The following CYP2C19 variants were observed in gnomAD, a reference collection of about 807,000 sequenced individuals.
The protein encoded by CYP2C19 is cytochrome P450 family 2 subfamily C member 19, also known as cytochrome P450 2C19.
Under a neutral mutation model 40.9 loss-of-function variants are expected in CYP2C19, and 59 were observed. That is an observed-to-expected ratio of 1.44 (90% CI 1.17 to 1.79). The LOEUF is 1.79. Among genes scored for constraint, CYP2C19 ranks in the 40% most tolerant of loss-of-function variants. The pLI, the probability that CYP2C19 is intolerant of heterozygous loss-of-function variation, is 0.00. For missense variants in CYP2C19, 754 were observed against 596.9 expected (o/e 1.26, Z -2.74); for synonymous variants, 253 against 208.7 (o/e 1.21, Z -1.83).
At chr10:94,821,367 G>A (rs1414028313) in intron 6 of CYP2C19, among the ~76,000 whole-genome samples, 1 of 152,196 alleles carries the variant, frequency 6.6e-6, no homozygotes, top group Non-Finnish European at 1.5e-5. Context: ...AAATGCTGGA[G>A]TAGGGAAAAT....
chr10:94,801,333 C>T (rs916655152), intron 5 of CYP2C19, among the ~76,000 whole-genome samples: 3 of 152,084 alleles, frequency 2.0e-5, no homozygotes, highest in African/African-American at 7.2e-5. Flanking sequence ...ATTACTTTTG[C>T]CTTAATTTCG....
intron 6 of CYP2C19, 124 bp downstream of exon 6, chr10:94,820,761 A>G (rs1381609600): frequency 5.8e-6 from 7 of 1,197,810 alleles, no homozygotes; most frequent in Non-Finnish European, 8.4e-6. Flanking sequence ...CCGCAGCTGT[A>G]ATCTGTCCCA....
intron 8 of CYP2C19, 80 bp from the exon 9 acceptor site, chr10:94,852,653 G>A: frequency 2.7e-6 from 4 of 1,481,858 alleles, no homozygotes; most frequent in Non-Finnish European, 1.9e-6. Flanking sequence ...TATTCTGTCT[G>A]TGCCAGTTAT....
chr10:94,780,605 C>T lies in CYP2C19; in HGVS notation c.588C>T (p.Asn196=). The T allele has an allele frequency of 6.2e-7, 1 of 1,613,824 alleles. No individual in the cohort carries two copies. Among genetic ancestry groups the T allele is most frequent in the Non-Finnish European group, 8.5e-7 (1 of 1,179,892 alleles). ...RFDYKDQQFL[N]LMEKLNENIR... is the part of the protein sequence containing the mutation. ...ATTATAAAGATCAGCAATTTCTTAA[C>T]TTGATGGAAAAATTGAATGAAAACA... Residue 196 remains asparagine, a synonymous_variant, in exon 4 of 9, where the codon AAC becomes AAT. Transcript: ENST00000371321.
chr10:94,803,444 C>T (rs1226192188), intron 5 of CYP2C19, among the ~76,000 whole-genome samples: 2 of 152,192 alleles, frequency 1.3e-5, no homozygotes, highest in Non-Finnish European at 2.9e-5. Context: ...TCTAGCACAG[C>T]TTGATCCTTG....
intron 5 of CYP2C19, among the ~76,000 whole-genome samples, chr10:94,811,303 A>T (rs564693178): frequency 6.6e-6 from 1 of 152,120 alleles, no homozygotes; most frequent in African/African-American, 2.4e-5. Context: ...ACTTCCAATT[A>T]TGTGGTCAAT....
intron 5 of CYP2C19, among the ~76,000 whole-genome samples, chr10:94,811,606 C>G (rs374220984): frequency 5.3e-5 from 8 of 151,940 alleles, no homozygotes; most frequent in African/African-American, 1.7e-4. Context: ...TAGCTCTTCT[C>G]GTTGCATTGA....
At position 94,840,118 on chromosome 10, in the gene CYP2C19, C is replaced by T. The variant is rs144415472; in HGVS notation, c.962-2719C>T. ...CGACTGAATGCATTTGGCCCATCCG[C>T]GGGTTACTGGGTTAAGGATTTAATA... On this transcript the variant is annotated intron_variant, in intron 6 of 8. Transcript: ENST00000371321. Among the ~76,000 whole-genome samples, 687 of 152,050 alleles carry T rather than the reference C, an allele frequency of 4.5e-3. 7 individuals carry two copies. The highest frequency in any genetic ancestry group is 0.015 in the African/African-American group (638 of 41,450).
chr10:94,833,384 A>C (rs1026730282), intron 6 of CYP2C19, among the ~76,000 whole-genome samples: 1 of 152,150 alleles, frequency 6.6e-6, no homozygotes, highest in Non-Finnish European at 1.5e-5. Flanking sequence ...GTATGGTACT[A>C]GTAGTAGGTC....
chr10:94,840,437 G>C (rs1459476943), intron 6 of CYP2C19, among the ~76,000 whole-genome samples: 2 of 151,958 alleles, frequency 1.3e-5, no homozygotes, highest in Non-Finnish European at 2.9e-5. Flanking sequence ...CTGGGTTATA[G>C]CCTAGGTGCC....
At chr10:94,838,718 C>A (rs995597751) in intron 6 of CYP2C19, among the ~76,000 whole-genome samples, 2 of 152,062 alleles carry the variant, frequency 1.3e-5, no homozygotes, top group Admixed American at 1.3e-4. Flanking sequence ...AGACTGAGGG[C>A]TTCCTGTAGG....
intron 6 of CYP2C19, among the ~76,000 whole-genome samples, chr10:94,830,623 A>C (rs566655427): frequency 6.6e-6 from 1 of 151,826 alleles, no homozygotes; most frequent in Non-Finnish European, 1.5e-5. Context: ...CTTCTGCGTC[A>C]CTCATGCTGG....
chr10:94,821,883 A>T (rs914238860), intron 6 of CYP2C19, among the ~76,000 whole-genome samples: 3 of 151,960 alleles, frequency 2.0e-5, no homozygotes, highest in Non-Finnish European at 4.4e-5. Flanking sequence ...CAACTATTTC[A>T]TCACCCTGGC....
chr10:94,807,999 A>G (rs2134257924), intron 5 of CYP2C19, among the ~76,000 whole-genome samples: 1 of 152,214 alleles, frequency 6.6e-6, no homozygotes, highest in Middle Eastern at 3.4e-3. Context: ...GTAGTTTCAT[A>G]GTTTCAGGTA....
rs1327948685 is a variant in CYP2C19 at position 94,852,936 on chromosome 10, G to C, written c.*22G>C. The C allele has an allele frequency of 2.5e-6, 4 of 1,612,926 alleles. No homozygotes were observed. ...CTGAAGAAGCACAGATGGTCTGGCT[G>C]CTCCTGTGCTGTCCCTGCAGCTCTC... is the stretch of plus-strand genomic sequence containing the variant. On this transcript the variant is annotated 3_prime_UTR_variant, in exon 9 of 9. Transcript: ENST00000371321.
intron 1 of CYP2C19, among the ~76,000 whole-genome samples, chr10:94,766,108 G>A (rs12768009): frequency 0.17 from 26,327 of 152,022 alleles, 2,559 homozygotes; most frequent in East Asian, 0.37. Context: ...GGTCTTTTCC[G>A]TCATAATGAA....
At chr10:94,768,677 C>G (rs1043782546) in intron 1 of CYP2C19, among the ~76,000 whole-genome samples, 9 of 152,136 alleles carry the variant, frequency 5.9e-5, no homozygotes, top group African/African-American at 2.2e-4. Flanking sequence ...CAGCCATCAC[C>G]ACAACTACCC....
At position 94,800,947 on chromosome 10, in the gene CYP2C19, G is replaced by T. The variant is rs377434565; in HGVS notation, c.819+18950G>T. On this transcript the variant is annotated intron_variant, in intron 5 of 8. Coordinates refer to ENST00000371321, the MANE Select transcript of CYP2C19 (RefSeq NM_000769.4). ...CTCACGGCTTCCCTTCACTAAGAAAGGGAAATCCCTTAACACCTTGCACTT... is the reference window on the plus strand; with the variant it reads ...CTCACGGCTTCCCTTCACTAAGAAATGGAAATCCCTTAACACCTTGCACTT... 6.3e-4 allele frequency among the ~76,000 whole-genome samples: 96 copies of T among 152,290 alleles called. 1 individual carries two copies. In the South Asian group the frequency reaches 0.02, roughly 31 times the overall value.
Position 94,762,879 on chromosome 10 carries a change from T to G in CYP2C19, c.168+6T>G. On this transcript the variant is annotated splice_donor_region_variant and intron_variant, in intron 1 of 8. Transcript: ENST00000371321. ...TCAGCAAATCCTTAACCAATGTAAGTATGCTCCTTCAGTGGCTTGCAAAAG... is the reference window on the plus strand; with the variant it reads ...TCAGCAAATCCTTAACCAATGTAAGGATGCTCCTTCAGTGGCTTGCAAAAG... 6.2e-7 allele frequency: 1 copy of G among 1,612,584 alleles called. No individual in the cohort carries two copies. Among genetic ancestry groups the G allele is most frequent in the South Asian group, 1.1e-5 (1 of 91,048 alleles).
Sources: allele counts gnomAD v4.1 joint callset (sites outside exome capture counted in the v4.1 genomes callset), GRCh38; gene constraint gnomAD v4.1.1; transcripts MANE v1.5; gene names NCBI Gene and HGNC (gene_info 2026-07-23, HGNC 2026-07-21).